Variants in DLG2 observed in about 807,000 individuals in gnomAD.
The protein encoded by DLG2 is discs large MAGUK scaffold protein 2.
A neutral mutation model predicts 132.5 loss-of-function variants in DLG2; 45 were observed. The ratio of observed to expected loss-of-function variants is 0.34; its 90% CI spans 0.27 to 0.44. The LOEUF (loss-of-function observed/expected upper bound fraction) is 0.44. DLG2 is among the 20% of genes least tolerant of loss of function. DLG2 has a pLI of 1.00. For missense variants in DLG2, 1,045 were observed against 1,196.9 expected, an observed-to-expected ratio of 0.87 and a Z score of 1.87; for synonymous variants, 424 against 419.6, an observed-to-expected ratio of 1.01 and a Z score of -0.13.
intron 6 of DLG2, among the ~76,000 whole-genome samples, chr11:84,804,098 G>C (rs991675855): frequency 6.6e-6 from 1 of 152,120 alleles, no homozygotes; most frequent in African/African-American, 2.4e-5. Flanking sequence ...TGGATACAGT[G>C]GTTCACACAC....
intron 11 of DLG2, among the ~76,000 whole-genome samples, chr11:84,057,986 A>T (rs2096530996): frequency 6.6e-6 from 1 of 152,046 alleles, no homozygotes; most frequent in Non-Finnish European, 1.5e-5. Context: ...ATCCTCATAA[A>T]CCCTATGGAT....
intron 11 of DLG2, among the ~76,000 whole-genome samples, chr11:84,056,225 C>A (rs1314335427): frequency 6.6e-6 from 1 of 152,066 alleles, no homozygotes; most frequent in Non-Finnish European, 1.5e-5. Flanking sequence ...CCCTCCCCTT[C>A]CCCACAACCC....
chr11:84,542,264 G>A (rs2099376159), intron 6 of DLG2, among the ~76,000 whole-genome samples: 1 of 152,080 alleles, frequency 6.6e-6, no homozygotes, highest in Admixed American at 6.6e-5. Context: ...ATCCATGAAC[G>A]CTTTGCTAAG....
intron 6 of DLG2, among the ~76,000 whole-genome samples, chr11:84,890,020 T>C (rs562133594): frequency 6.6e-6 from 1 of 152,210 alleles, no homozygotes; most frequent in African/African-American, 2.4e-5. Context: ...CATATGATAG[T>C]AGAATGAATA....
intron 18 of DLG2, chr11:83,724,790 T>C (rs2153691074): frequency 2.0e-5 from 14 of 698,058 alleles, no homozygotes; most frequent in South Asian, 1.8e-4. Flanking sequence ...TTCATTTTAC[T>C]GGCCACACCT....
intron 4 of DLG2, among the ~76,000 whole-genome samples, chr11:85,246,820 C>G (rs2076156458): frequency 6.6e-6 from 1 of 152,008 alleles, no homozygotes; most frequent in African/African-American, 2.4e-5. Flanking sequence ...TATATCCAAT[C>G]TGAAGATAGA....
intron 3 of DLG2, among the ~76,000 whole-genome samples, chr11:85,481,742 C>T (rs1338874545): frequency 1.3e-5 from 2 of 152,082 alleles, no homozygotes; most frequent in Non-Finnish European, 2.9e-5. Flanking sequence ...AGGCTTCAGG[C>T]CTGCCCCAGT....
intron 4 of DLG2, among the ~76,000 whole-genome samples, chr11:85,175,879 T>A (rs2079200111): frequency 6.6e-6 from 1 of 152,074 alleles, no homozygotes; most frequent in Admixed American, 6.5e-5. Flanking sequence ...ACAAAGGGAA[T>A]AAAATACTTA....
At chr11:83,746,198 A>G (rs1471463783) in intron 18 of DLG2, among the ~76,000 whole-genome samples, 1 of 152,158 alleles carries the variant, frequency 6.6e-6, no homozygotes, top group Non-Finnish European at 1.5e-5. Flanking sequence ...AACTAGAAAT[A>G]CCATTTGACC....
At chr11:83,731,539 G>A (rs911203823) in intron 18 of DLG2, among the ~76,000 whole-genome samples, 1 of 152,156 alleles carries the variant, frequency 6.6e-6, no homozygotes, top group Non-Finnish European at 1.5e-5. Context: ...GTCTATCATA[G>A]ATAGGCATCT....
intron 6 of DLG2, among the ~76,000 whole-genome samples, chr11:84,719,659 C>A (rs1287827300): frequency 6.6e-6 from 1 of 152,162 alleles, no homozygotes; most frequent in Non-Finnish European, 1.5e-5. Context: ...GAACACCAAT[C>A]ACCTTTACAA....
At chr11:83,708,242 A>G (rs1188045359) in intron 18 of DLG2, among the ~76,000 whole-genome samples, 1 of 152,254 alleles carries the variant, frequency 6.6e-6, no homozygotes, top group African/African-American at 2.4e-5. Context: ...GAAAATCTCT[A>G]GAACACAAAG....
intron 3 of DLG2, among the ~76,000 whole-genome samples, chr11:85,501,022 T>C (rs1193881937): frequency 1.3e-5 from 2 of 152,180 alleles, no homozygotes; most frequent in Non-Finnish European, 2.9e-5. Flanking sequence ...CAACCTTTAC[T>C]ACAAGTCTAC....
intron 3 of DLG2, among the ~76,000 whole-genome samples, chr11:85,454,900 C>A (rs1377619683): frequency 6.6e-6 from 1 of 150,932 alleles, no homozygotes; most frequent in Non-Finnish European, 1.5e-5. Flanking sequence ...TGTCTGTTTT[C>A]GTATCAGTGT....
chr11:85,239,161 AC>A (rs1314707487), intron 4 of DLG2, among the ~76,000 whole-genome samples: 2 of 152,086 alleles, frequency 1.3e-5, no homozygotes, highest in African/African-American at 4.8e-5. Context: ...AATGAGGGTT[AC>A]ACTACCTTTA....
At chr11:84,051,590 C>T (rs189054580) in intron 11 of DLG2, among the ~76,000 whole-genome samples, 43 of 127,372 alleles carry the variant, frequency 3.4e-4, no homozygotes, top group African/African-American at 1.3e-3. Context: ...CACATGGATA[C>T]AGGAAGGGGA....
intron 6 of DLG2, among the ~76,000 whole-genome samples, chr11:84,606,240 T>C (rs908478741): frequency 6.6e-6 from 1 of 152,120 alleles, no homozygotes; most frequent in Non-Finnish European, 1.5e-5. Context: ...AAAGTATACA[T>C]AATTTAAATG....
chr11:84,439,644 T>G (rs996518861), intron 7 of DLG2, among the ~76,000 whole-genome samples: 2 of 152,218 alleles, frequency 1.3e-5, no homozygotes, highest in Non-Finnish European at 2.9e-5. Context: ...ACATGGTAAC[T>G]CCTGCTTAGT....
chr11:85,493,297 A>G (rs144894024), intron 3 of DLG2, among the ~76,000 whole-genome samples: 57 of 152,268 alleles, frequency 3.7e-4, no homozygotes, highest in African/African-American at 1.3e-3. Flanking sequence ...CTCCAACCAC[A>G]CTATCTTGCT....
Sources: gnomAD v4.1 joint callset for allele counts (sites outside exome capture counted in the v4.1 genomes callset) on GRCh38, gnomAD v4.1.1 for gene constraint, MANE v1.5 for transcripts, NCBI Gene and HGNC (gene_info 2026-07-23, HGNC 2026-07-21) for gene names.